EIF5A: variants seen among roughly 807,000 people sequenced by gnomAD.
EIF5A encodes eukaryotic translation initiation factor 5A.
A neutral mutation model predicts 16.6 loss-of-function variants in EIF5A; 1 was observed. The ratio of observed to expected loss-of-function variants is 0.06; its 90% CI spans 0.02 to 0.28. The LOEUF (loss-of-function observed/expected upper bound fraction) is 0.28, where lower values mean the gene tolerates loss of function less well. Ranked by LOEUF, EIF5A falls within the 10% of genes least tolerant of loss-of-function variation. EIF5A has a pLI of 1.00. For synonymous variants in EIF5A, 80 were observed against 73.6 expected, an observed-to-expected ratio of 1.09 and a Z score of -0.44; for missense variants, 29 against 196.1, an observed-to-expected ratio of 0.15 and a Z score of 5.09.
chr17:7,307,047 A>G (rs764776600), upstream of EIF5A: 2 of 1,596,564 alleles, frequency 1.3e-6, no homozygotes, highest in Non-Finnish European at 1.7e-6. Flanking sequence ...TCTCCCGCGC[A>G]TGTGTGGAAC....
intron 2 of EIF5A, 138 bp from the exon 3 acceptor site, chr17:7,310,880 A>G (rs1181646183): frequency 2.1e-6 from 3 of 1,425,400 alleles, no homozygotes; most frequent in Non-Finnish European, 2.8e-6. Context: ...TCTTGAGTTG[A>G]CTGGTTCAAT....
chr17:7,310,375 C>A (rs4796399), intron 2 of EIF5A: 561,740 of 1,201,340 alleles, frequency 0.47, 136,829 homozygotes, highest in South Asian at 0.54. Context: ...AACATTCTTG[C>A]TAGCACTTCC....
chr17:7,310,300 C>T, intron 2 of EIF5A: 1 of 1,280,136 alleles, frequency 7.8e-7, no homozygotes, highest in South Asian at 1.2e-5. Flanking sequence ...CAGGATCAAA[C>T]TGCCCCTACC....
intron 3 of EIF5A, 53 bp downstream of exon 3, chr17:7,311,175 G>T (rs2072814762): frequency 6.2e-7 from 1 of 1,600,082 alleles, no homozygotes. Flanking sequence ...TGGAGGGAGG[G>T]GTTGGGGGAT....
chr17:7,311,007 C>T lies in EIF5A; in HGVS notation c.166-11C>T. On this transcript the variant is annotated splice_polypyrimidine_tract_variant and intron_variant, in intron 2 of 5. Transcript: ENST00000336458. ...TTTGGTTGGGTTTCTCTTTGTGATG[C>T]ATACATACAGGTCCATCTGGTTGGT... 3 of 1,609,902 alleles carry T rather than the reference C, an allele frequency of 1.9e-6. No homozygotes were observed. The highest frequency in any genetic ancestry group is 1.1e-5 in the South Asian group (1 of 90,720).
rs528005093 is a variant in EIF5A, at chr17:7,310,695, T to C, written c.166-323T>C. The C allele has an allele frequency of 4.1e-6, 4 of 985,316 alleles. No homozygotes were observed. In the South Asian group the frequency reaches 1.9e-4, roughly 46 times the overall value. 61.0% of individuals were successfully genotyped at this position (985,316 alleles called of 1,614,324 possible). A position where few individuals can be genotyped will look rare whatever the true frequency, so the allele number is the denominator to read the frequency against. On this transcript the variant is annotated intron_variant, in intron 2 of 5. Coordinates refer to ENST00000336458, the MANE Select transcript of EIF5A (RefSeq NM_001970.5). ...CTCCTTCTCCTGGTGTCCGGAAAAC[T>C]CTTCGAAACTTTTACTCAGACTCCT... is the stretch of plus-strand genomic sequence containing the variant.
At chr17:7,308,175 G>T (rs544344311) in intron 1 of EIF5A, 3 of 266,082 alleles carry the variant, frequency 1.1e-5, no homozygotes, top group East Asian at 1.9e-4. Flanking sequence ...CGGCCGGGGG[G>T]AGGGGAGGCG....
chr17:7,308,260 C>T (rs1209261468), intron 1 of EIF5A: 62 of 1,047,798 alleles, frequency 5.9e-5, no homozygotes, highest in Non-Finnish European at 7.1e-5. Context: ...CGGGAGGCTG[C>T]CCTCGGGGTC....
intron 1 of EIF5A, among the ~76,000 whole-genome samples, chr17:7,309,023 A>G (rs1321908866): frequency 2.6e-5 from 4 of 151,742 alleles, no homozygotes; most frequent in Admixed American, 2.0e-4. Context: ...TTCGGAAACA[A>G]CTTTGCTTTC....
intron 1 of EIF5A, among the ~76,000 whole-genome samples, chr17:7,309,373 C>T (rs984246267): frequency 6.6e-6 from 1 of 152,198 alleles, no homozygotes; most frequent in Non-Finnish European, 1.5e-5. Context: ...GCCTTCCTTT[C>T]CCAAGCCACC....
At chr17:7,310,274 C>T (rs1385313461) in intron 2 of EIF5A, 3 of 1,288,304 alleles carry the variant, frequency 2.3e-6, no homozygotes, top group African/African-American at 1.5e-5. Flanking sequence ...CTAGCTTTCC[C>T]TTTGGAACTC....
chr17:7,311,127 G>A lies in EIF5A; in HGVS notation c.270+5G>A. The A allele has an allele frequency of 6.2e-7, 1 of 1,613,534 alleles. No homozygotes were observed. Among genetic ancestry groups the A allele is most frequent in the Admixed American group, 1.7e-5 (1 of 59,950 alleles). On this transcript the variant is annotated splice_donor_5th_base_variant and intron_variant, in intron 3 of 5. Coordinates refer to ENST00000336458, the MANE Select transcript of EIF5A (RefSeq NM_001970.5). ...ATCAAAAGGAATGACTTCCAGGTAT[G>A]TAGATGGTCTGGATGAGGATGGGTT...
At chr17:7,307,035 C>T (rs2072643439), upstream of EIF5A, 2 of 1,588,428 alleles carry the variant, frequency 1.3e-6, no homozygotes, top group Non-Finnish European at 1.7e-6. Context: ...GGCGGAAAGA[C>T]ATCTCCCGCG....
chr17:7,309,910 T>G (rs2072762688), intron 2 of EIF5A, 110 bp downstream of exon 2: 3 of 1,607,082 alleles, frequency 1.9e-6, no homozygotes, highest in Non-Finnish European at 2.5e-6. Context: ...GCTTTTACTG[T>G]CTGATTGTTT....
rs1009645227 is a variant in EIF5A at position 7,307,649 on chromosome 17, AGCGGCGGCGGCGGTAGAGGCG to A, written c.-111_-91del. ...CTGCGTACTAAGACCCGTGTGCAGC[AGCGGCGGCGGCGGTAGAGGCG>A]GCGGCGGCGGCGGCAGCGGGCTCGG... On this transcript the variant is annotated 5_prime_UTR_variant, in exon 1 of 6. Transcript: ENST00000336458. The A allele has an allele frequency of 7.0e-5, 74 of 1,050,586 alleles. No homozygotes were observed. Among genetic ancestry groups the A allele is most frequent in the South Asian group, 2.6e-4 (9 of 35,000 alleles). The allele number at this position is 1,050,586 out of a possible 1,614,324, so 65.1% of individuals were successfully genotyped here. A position where few individuals can be genotyped will look rare whatever the true frequency, so the allele number is the denominator to read the frequency against.
intron 2 of EIF5A, 177 bp from the exon 3 acceptor site, chr17:7,310,841 G>GT (rs530076025): frequency 6.0e-5 from 59 of 985,104 alleles, no homozygotes; most frequent in Middle Eastern, 5.2e-4. Flanking sequence ...TTTAGCCTCT[G>GT]TTTTTTTTCT....
At chr17:7,307,158 CTGAGACGCA>C, upstream of EIF5A, 1 of 1,545,272 alleles carries the variant, frequency 6.5e-7, no homozygotes, top group Non-Finnish European at 8.8e-7. Context: ...GGGGCGTATC[CTGAGACGCA>C]TGCGTTCTAG....
chr17:7,311,704 G>C, intron 5 of EIF5A, 53 bp downstream of exon 5: 1 of 1,608,080 alleles, frequency 6.2e-7, no homozygotes, highest in Non-Finnish European at 8.5e-7. Flanking sequence ...GTCCTCAGCA[G>C]AGCTGCTGTA....
chr17:7,310,433 C>T (rs1048137810), intron 2 of EIF5A: 5 of 1,177,888 alleles, frequency 4.2e-6, no homozygotes, highest in South Asian at 1.6e-5. Context: ...CAACCTGATT[C>T]GTTCTTGTTG....
Sources: gnomAD v4.1 joint callset for allele counts (sites outside exome capture counted in the v4.1 genomes callset) on GRCh38, gnomAD v4.1.1 for gene constraint, MANE v1.5 for transcripts, NCBI Gene and HGNC (gene_info 2026-07-23, HGNC 2026-07-21) for gene names.